CEACAM4: variants seen among roughly 807,000 people sequenced by gnomAD.
CEACAM4 encodes cell adhesion molecule CEACAM4.
In CEACAM4, 30 loss-of-function variants were observed where a neutral mutation model predicts 28.7. The observed-to-expected ratio is 1.05, with a 90% CI of 0.78 to 1.42. CEACAM4 has a LOEUF of 1.42. Among genes scored for constraint, CEACAM4 ranks in the 40% most tolerant of loss-of-function variants. CEACAM4 has a pLI of 0.00. For synonymous variants in CEACAM4, 143 were observed against 126.5 expected (o/e 1.13, Z -0.87); for missense variants, 330 against 308.2 (o/e 1.07, Z -0.53).
rs142356987 is a variant in CEACAM4, at chr19:41,625,685, G to C, written c.340C>G (p.Leu114Val). 94 of 1,613,808 alleles carry C rather than the reference G, an allele frequency of 5.8e-5. No individual in the cohort carries two copies. The African/African-American group carries it at 9.9e-4, about 17-fold the overall frequency. The part of the protein sequence containing the change: ...NGSLLFQNIT[L>V]EDAGSYTLRT... The stretch of plus-strand genomic sequence containing the variant: ...AGGGTGTAGGATCCTGCGTCCTCCA[G>C]GGTGATGTTTTGGAACAGCAGGGAT... The change falls in exon 2 of 7, where the codon CTG becomes GTG. Residue 114 changes from leucine to valine, a missense_variant. Leu to Val is a conservative substitution (Grantham distance 32). Transcript: ENST00000221954.
intron 2 of CEACAM4, among the ~76,000 whole-genome samples, chr19:41,625,338 G>A (rs2071566347): frequency 6.6e-6 from 1 of 152,134 alleles, no homozygotes; most frequent in Non-Finnish European, 1.5e-5. Context: ...TCATGGGGAG[G>A]GCATGGGGTG....
chr19:41,620,211 C>T lies in CEACAM4; in HGVS notation c.627G>A (p.Ser209=), dbSNP rs782042547. The T allele has an allele frequency of 4.8e-5, 71 of 1,492,400 alleles. No individual in the cohort carries two copies. Among genetic ancestry groups the T allele is most frequent in the East Asian group, 7.6e-5 (3 of 39,646 alleles). 92.4% of individuals were successfully genotyped at this position (1,492,400 alleles called of 1,614,324 possible). Reference sequence around the variant, plus strand: ...AGGGCTGGGGAGGGAACAGGCTTACCGAGAAGGTGGATCTGTGAGAGGGAC... The same window carrying T: ...AGGGCTGGGGAGGGAACAGGCTTACTGAGAAGGTGGATCTGTGAGAGGGAC... ...GHGPSHRSTF[S]APLPSPRTAT... The change falls in exon 5 of 7, where the codon TCG becomes TCA. Residue 209 remains serine (S), a splice_region_variant and synonymous_variant. Coordinates refer to ENST00000221954, the MANE Select transcript of CEACAM4 (RefSeq NM_001817.4).
rs782455279 is a variant in CEACAM4 at position 41,627,015 on chromosome 19, G to A, written c.-52C>T. ...TGGAGAGGAGCTGGGCTCCAGGAACGCTCTTGTCAGAGCTGCTGTGACTGT... is the reference window on the plus strand; with the variant it reads ...TGGAGAGGAGCTGGGCTCCAGGAACACTCTTGTCAGAGCTGCTGTGACTGT... On this transcript the variant is annotated 5_prime_UTR_variant, in exon 1 of 7. Transcript: ENST00000221954. 10 of 1,506,088 alleles carry A rather than the reference G, an allele frequency of 6.6e-6. No individual in the cohort carries two copies. The highest frequency in any genetic ancestry group is 1.4e-5 in the African/African-American group (1 of 70,758). 93.3% of individuals were successfully genotyped at this position (1,506,088 alleles called of 1,614,324 possible). A position where few individuals can be genotyped will look rare whatever the true frequency, so the allele number is the denominator to read the frequency against.
chr19:41,626,042 C>A (rs2071628464), intron 1 of CEACAM4, 82 bp from the exon 2 acceptor site: 1 of 1,264,638 alleles, frequency 7.9e-7, no homozygotes, highest in Non-Finnish European at 1.1e-6. Context: ...CTCAGCAGGT[C>A]TCCTCATCCC....
At chr19:41,626,750 C>G in intron 1 of CEACAM4, 150 bp downstream of exon 1, 1 of 601,326 alleles carries the variant, frequency 1.7e-6, no homozygotes, top group Non-Finnish European at 2.9e-6. Flanking sequence ...GATGTTCTCT[C>G]CCTTATCCAG....
downstream of CEACAM4, among the ~76,000 whole-genome samples, chr19:41,614,376 C>A (rs2070964061): frequency 6.6e-6 from 1 of 152,124 alleles, no homozygotes; most frequent in Non-Finnish European, 1.5e-5. Flanking sequence ...CACAGGGAGG[C>A]CTTCAGAAGT....
rs938304765 is a variant in CEACAM4, at chr19:41,620,300, C to T, written c.596-58G>A. 3.3e-5 allele frequency: 46 copies of T among 1,384,642 alleles called. No individual in the cohort carries two copies. The African/African-American group carries it at 6.6e-4, about 20-fold the overall frequency. The allele number at this position is 1,384,642 out of a possible 1,614,324, so 85.8% of individuals were successfully genotyped here. On this transcript the variant is annotated intron_variant, in intron 4 of 6. Coordinates refer to ENST00000221954, the MANE Select transcript of CEACAM4 (RefSeq NM_001817.4). ...GGGAGGAGAGCCTGGGCCCCTCCTG[C>T]AGGAGAGTGTAGGGGTCCTCAGCTC...
chr19:41,622,855 TAGATAG>T lies in CEACAM4; in HGVS notation c.425-1093_425-1088del, dbSNP rs1420490825. Reference sequence around the variant, plus strand: ...TCTCTAGCATATATATACATATATATAGATAGATAGATAGATAGATAGATAGATAGA... The same window carrying T: ...TCTCTAGCATATATATACATATATATATAGATAGATAGATAGATAGATAGA... On this transcript the variant is annotated intron_variant, in intron 2 of 6. Coordinates refer to ENST00000221954, the MANE Select transcript of CEACAM4 (RefSeq NM_001817.4). 5.8e-4 allele frequency among the ~76,000 whole-genome samples: 63 copies of T among 108,750 alleles called. 1 individual carries two copies. Among genetic ancestry groups the T allele is most frequent in the African/African-American group, 2.8e-3 (63 of 22,126 alleles). 71.3% of individuals were successfully genotyped at this position (108,750 alleles called of 152,430 possible). A position where few individuals can be genotyped will look rare whatever the true frequency, so the allele number is the denominator to read the frequency against.
chr19:41,625,509 AG>A, intron 2 of CEACAM4, 91 bp downstream of exon 2: 1 of 1,428,514 alleles, frequency 7.0e-7, no homozygotes, highest in Non-Finnish European at 9.5e-7. Context: ...CAAAATGCAG[AG>A]GGGGATGCAG....
chr19:41,613,632 G>T, the CEACAM4 span, among the ~76,000 whole-genome samples: 1 of 151,992 alleles, frequency 6.6e-6, no homozygotes, highest in African/African-American at 2.4e-5. Flanking sequence ...CAAACAGATT[G>T]TCCTCAGGGA....
downstream of CEACAM4, among the ~76,000 whole-genome samples, chr19:41,616,092 C>T (rs907254398): frequency 5.9e-5 from 9 of 152,078 alleles, no homozygotes; most frequent in East Asian, 3.9e-4. Flanking sequence ...TGCAGTGGTG[C>T]GATCTCAGCT....
At chr19:41,624,633 G>A (rs2071520474) in intron 2 of CEACAM4, among the ~76,000 whole-genome samples, 1 of 152,240 alleles carries the variant, frequency 6.6e-6, no homozygotes, top group Non-Finnish European at 1.5e-5. Flanking sequence ...TAAGGCACCA[G>A]GGATGAAGGA....
rs182068754 is a variant in CEACAM4 at position 41,626,434 on chromosome 19, G to A, written c.64+466C>T. On this transcript the variant is annotated intron_variant, in intron 1 of 6. Transcript: ENST00000221954. ...GTGAGCTCTGTGAGGGCGGGGACTT[G>A]TGTGATCTTGGTTGCACCCCAGTGC... Among the ~76,000 whole-genome samples the A allele has an allele frequency of 2.9e-4, 44 of 152,272 alleles. No homozygotes were observed. The East Asian group carries it at 7.5e-3, about 26-fold the overall frequency.
At chr19:41,620,263 G>A in intron 4 of CEACAM4, 21 bp from the exon 5 acceptor site, 2 of 1,460,112 alleles carry the variant, frequency 1.4e-6, no homozygotes, top group South Asian at 1.5e-5. Flanking sequence ...AGACAGGAGT[G>A]AGCAGCAGGG....
At position 41,626,913 on chromosome 19, in the gene CEACAM4, C is replaced by G; in HGVS notation, c.51G>C (p.Gly17=). 1 of 1,610,262 alleles carries G rather than the reference C, an allele frequency of 6.2e-7. No individual in the cohort carries two copies. The highest frequency in any genetic ancestry group is 1.7e-5 in the Admixed American group (1 of 59,748). ...APRGGHRPWQ[G]LLITASLLTF... ...TCCTCCCCTCACCTGTGATCAGGAG[C>G]CCCTGCCAGGGCCTGTGCCCTCCAC... Residue 17 remains glycine, a synonymous_variant, in exon 1 of 7, where the codon GGG becomes GGC. Transcript: ENST00000221954.
chr19:41,625,527 C>A, intron 2 of CEACAM4, 74 bp downstream of exon 2: 1 of 1,519,286 alleles, frequency 6.6e-7, no homozygotes, highest in Non-Finnish European at 8.9e-7. Context: ...GCAGGCACAG[C>A]CCAGGCCTGA....
At chr19:41,620,436 G>A in intron 4 of CEACAM4, 139 bp downstream of exon 4, 1 of 871,876 alleles carries the variant, frequency 1.1e-6, no homozygotes, top group Non-Finnish European at 1.7e-6. Flanking sequence ...AGACAGTCGG[G>A]GTCCCCTGTG....
chr19:41,621,565 T>G, intron 3 of CEACAM4, 86 bp downstream of exon 3: 1 of 699,538 alleles, frequency 1.4e-6, no homozygotes. Flanking sequence ...GCGGAAAGCC[T>G]GGCCCTGAAT....
rs1453535623 is a variant in CEACAM4 at position 41,620,365 on chromosome 19, C to A, written c.596-123G>T. The A allele has an allele frequency of 3.0e-6, 3 of 1,004,268 alleles. No homozygotes were observed. The East Asian group carries it at 8.8e-5, about 29-fold the overall frequency. 62.2% of individuals were successfully genotyped at this position (1,004,268 alleles called of 1,614,324 possible). A position where few individuals can be genotyped will look rare whatever the true frequency, so the allele number is the denominator to read the frequency against. On this transcript the variant is annotated intron_variant, in intron 4 of 6. Coordinates refer to ENST00000221954, the MANE Select transcript of CEACAM4 (RefSeq NM_001817.4). ...AGAGGGAGCCTCTTCCCAGGGGAGA[C>A]CTGAGCAGCTGAGGTCGAGGAGGTG...
Sources: allele counts gnomAD v4.1 joint callset (sites outside exome capture counted in the v4.1 genomes callset), GRCh38; gene constraint gnomAD v4.1.1; transcripts MANE v1.5; gene names NCBI Gene and HGNC (gene_info 2026-07-23, HGNC 2026-07-21).